The following CWF19L2 variants were observed in gnomAD, a reference collection of about 807,000 sequenced individuals.
CWF19L2 encodes the protein CWF19 like cell cycle control factor 2.
CWF19L2 carries 98 observed loss-of-function variants against 111.7 expected under a neutral mutation model. The ratio of observed to expected loss-of-function variants is 0.88; its 90% confidence interval spans 0.75 to 1.04. The LOEUF is 1.04. Ranked by LOEUF, CWF19L2 falls within the 50% of genes least tolerant of loss-of-function variation. The pLI is 0.00. For synonymous variants in CWF19L2, 351 were observed against 342.9 expected (o/e 1.02, Z -0.26); for missense variants, 1,101 against 1,051.4 (o/e 1.05, Z -0.65).
At chr11:107,424,394 C>T (rs1408142542) in intron 8 of CWF19L2, among the ~76,000 whole-genome samples, 2 of 151,254 alleles carry the variant, frequency 1.3e-5, no homozygotes, top group Non-Finnish European at 3.0e-5. Context: ...CTATCTCTAC[C>T]ATTCCATAAC....
At chr11:107,345,249 T>C (rs1470427892) in intron 14 of CWF19L2, among the ~76,000 whole-genome samples, 1 of 152,228 alleles carries the variant, frequency 6.6e-6, no homozygotes, top group Non-Finnish European at 1.5e-5. Flanking sequence ...CTTACTTCAA[T>C]ATCTAGTCAT....
chr11:107,386,781 C>T (rs1255712412), intron 12 of CWF19L2, among the ~76,000 whole-genome samples: 3 of 152,092 alleles, frequency 2.0e-5, no homozygotes, highest in African/African-American at 7.2e-5. Context: ...CAGGGCTAGG[C>T]GCAGTGGCTC....
chr11:107,406,131 G>A (rs1565271502), intron 10 of CWF19L2, among the ~76,000 whole-genome samples: 1 of 152,130 alleles, frequency 6.6e-6, no homozygotes, highest in Non-Finnish European at 1.5e-5. Context: ...AAAGGAAAAA[G>A]CACACACTGC....
At chr11:107,431,514 T>TA (rs1861465421) in intron 7 of CWF19L2, among the ~76,000 whole-genome samples, 1 of 151,992 alleles carries the variant, frequency 6.6e-6, no homozygotes, top group South Asian at 2.1e-4. Flanking sequence ...TAAATTTAAA[T>TA]AAAAACTCCA....
intron 6 of CWF19L2, among the ~76,000 whole-genome samples, chr11:107,435,886 C>A (rs35743606): frequency 3.3e-5 from 5 of 151,856 alleles, no homozygotes; most frequent in Non-Finnish European, 7.4e-5. Flanking sequence ...CCAGGTGCAG[C>A]GGCTCACGCC....
chr11:107,404,500 T>A, intron 10 of CWF19L2: 1 of 740,650 alleles, frequency 1.4e-6, no homozygotes, highest in Non-Finnish European at 2.5e-6. Context: ...GATGACTGTA[T>A]GGACTGTATC....
chr11:107,399,586 A>C (rs1860971771), intron 10 of CWF19L2, among the ~76,000 whole-genome samples: 1 of 152,214 alleles, frequency 6.6e-6, no homozygotes, highest in South Asian at 2.1e-4. Flanking sequence ...AATAGACCTA[A>C]GAAATTAGAT....
chr11:107,434,779 G>C lies in CWF19L2; in HGVS notation c.665-1030C>G, dbSNP rs1226071935. Reference sequence around the variant, plus strand: ...AACAAAGGAGGATAAACTGATTTCTGGTGCTAGAAAACAGAATAATGGTTA... The same window carrying C: ...AACAAAGGAGGATAAACTGATTTCTCGTGCTAGAAAACAGAATAATGGTTA... On this transcript the variant is annotated intron_variant, in intron 6 of 17. Transcript: ENST00000282251. Among the ~76,000 whole-genome samples the C allele has an allele frequency of 2.0e-5, 3 of 151,844 alleles. No homozygotes were observed. In the East Asian group the frequency reaches 5.8e-4, roughly 29 times the overall value.
rs78617779 is a variant in CWF19L2 at position 107,454,104 on chromosome 11, G to A, written c.339+346C>T. Among the ~76,000 whole-genome samples, 331 of 152,330 alleles carry A rather than the reference G, an allele frequency of 2.2e-3. 2 individuals carry two copies. The highest frequency in any genetic ancestry group is 7.0e-3 in the African/African-American group (293 of 41,574). On this transcript the variant is annotated intron_variant, in intron 3 of 17. Transcript: ENST00000282251. ...AACTTGCCACCCTGAAGGGAAAGACGCAGGCCTGGCTGGCTTCATCACCTG... is the reference window on the plus strand; with the variant it reads ...AACTTGCCACCCTGAAGGGAAAGACACAGGCCTGGCTGGCTTCATCACCTG...
At chr11:107,428,144 A>T (rs1392450816) in intron 8 of CWF19L2, among the ~76,000 whole-genome samples, 2 of 152,016 alleles carry the variant, frequency 1.3e-5, no homozygotes, top group Non-Finnish European at 2.9e-5. Flanking sequence ...CAAATTTCTA[A>T]AGCAAATTTT....
At chr11:107,406,621 A>G (rs1861081542) in intron 10 of CWF19L2, among the ~76,000 whole-genome samples, 1 of 151,432 alleles carries the variant, frequency 6.6e-6, no homozygotes, top group African/African-American at 2.4e-5. Flanking sequence ...CCTTTTAAAA[A>G]TGTTTTTAAA....
At chr11:107,430,088 A>T (rs1224244663) in intron 7 of CWF19L2, among the ~76,000 whole-genome samples, 1 of 152,012 alleles carries the variant, frequency 6.6e-6, no homozygotes, top group Non-Finnish European at 1.5e-5. Flanking sequence ...CATTAATTTT[A>T]AAAATATATA....
intron 8 of CWF19L2, among the ~76,000 whole-genome samples, chr11:107,424,603 C>G (rs1861349269): frequency 6.6e-6 from 1 of 151,762 alleles, no homozygotes; most frequent in South Asian, 2.1e-4. Flanking sequence ...TGAAGGTAGG[C>G]TGAAGTGCAT....
chr11:107,345,321 T>C, intron 14 of CWF19L2: 1 of 318,944 alleles, frequency 3.1e-6, no homozygotes, highest in Non-Finnish European at 6.1e-6. Flanking sequence ...TGGAACTATG[T>C]ATTTGTAACC....
At chr11:107,348,211 G>A (rs79632527) in intron 14 of CWF19L2, among the ~76,000 whole-genome samples, 1,970 of 152,062 alleles carry the variant, frequency 0.013, 24 homozygotes, top group South Asian at 0.038. Context: ...GCAAAGACTA[G>A]TCATCTCTTG....
chr11:107,432,127 T>C (rs747106580), intron 7 of CWF19L2, among the ~76,000 whole-genome samples: 13 of 152,010 alleles, frequency 8.6e-5, no homozygotes, highest in African/African-American at 1.7e-4. Context: ...AACTTATCCA[T>C]AGCAAATTAT....
intron 10 of CWF19L2, among the ~76,000 whole-genome samples, chr11:107,411,083 GTGCGTGCACACACA>G (rs1565273276): frequency 4.3e-5 from 3 of 69,204 alleles, no homozygotes; most frequent in Admixed American, 1.2e-4. Flanking sequence ...GTGTGCGCGC[GTGCGTGCACACACA>G]CACACACACA....
chr11:107,429,806 C>CAAAAAAAAAAAAAAAAAAA (rs33980353), intron 7 of CWF19L2, among the ~76,000 whole-genome samples: 1 of 105,698 alleles, frequency 9.5e-6, no homozygotes, highest in Non-Finnish European at 2.0e-5. Flanking sequence ...AGATTCTCAC[C>CAAAAAAAAAAAAAAAAAAA]AAAAAAAAAA....
intron 7 of CWF19L2, among the ~76,000 whole-genome samples, chr11:107,433,371 T>C (rs770352303): frequency 4.6e-5 from 7 of 152,140 alleles, no homozygotes; most frequent in African/African-American, 9.7e-5. Flanking sequence ...CTTTCCGGCA[T>C]TGTTTAAATT....
Sources: gnomAD v4.1 joint callset for allele counts (sites outside exome capture counted in the v4.1 genomes callset) on GRCh38, gnomAD v4.1.1 for gene constraint, MANE v1.5 for transcripts, NCBI Gene and HGNC (gene_info 2026-07-23, HGNC 2026-07-21) for gene names.